ZNF124: variants seen among roughly 807,000 people sequenced by gnomAD.
ZNF124 encodes zinc finger protein HZF-16.
A neutral mutation model predicts 26.6 loss-of-function variants in ZNF124; 25 were observed. That is an observed-to-expected ratio of 0.94 (90% CI 0.68 to 1.31). The LOEUF is 1.31. ZNF124 is among the 40% of genes most tolerant of loss of function. The pLI is 0.00. For missense variants in ZNF124, 444 were observed against 422.2 expected (o/e 1.05, Z -0.45); for synonymous variants, 129 against 133.3 (o/e 0.97, Z 0.22).
chr1:247,133,519 T>C (rs564793592), intron 3 of ZNF124, among the ~76,000 whole-genome samples: 2 of 152,002 alleles, frequency 1.3e-5, no homozygotes, highest in Admixed American at 1.3e-4. Context: ...ATGAAGGAAA[T>C]ACTGTTAAGG....
intron 1 of ZNF124, 167 bp from the exon 2 acceptor site, chr1:247,159,980 T>A: frequency 5.7e-4 from 53 of 92,578 alleles, no homozygotes; most frequent in Non-Finnish European, 8.3e-4. Context: ...ATAGCAGTTC[T>A]TTTTTTTTTT....
chr1:247,127,590 C>G (rs1672238015), intron 3 of ZNF124, among the ~76,000 whole-genome samples: 1 of 140,762 alleles, frequency 7.1e-6, no homozygotes, highest in Non-Finnish European at 1.6e-5. Flanking sequence ...CAGATTGACC[C>G]TTGACCTGAC....
chr1:247,132,692 C>A (rs1297910416), intron 3 of ZNF124, among the ~76,000 whole-genome samples: 2 of 152,318 alleles, frequency 1.3e-5, no homozygotes, highest in East Asian at 1.9e-4. Context: ...AGTTAAAGAT[C>A]GACCCCTGAC....
intron 3 of ZNF124, among the ~76,000 whole-genome samples, chr1:247,148,934 C>A (rs937821150): frequency 6.6e-6 from 1 of 151,750 alleles, no homozygotes; most frequent in South Asian, 2.1e-4. Context: ...TGTGCCACTG[C>A]ACTCCAGCCT....
intron 3 of ZNF124, among the ~76,000 whole-genome samples, chr1:247,145,651 G>C (rs1227595693): frequency 6.7e-6 from 1 of 148,336 alleles, no homozygotes; most frequent in East Asian, 1.9e-4. Context: ...TTTTTTTGAC[G>C]GAGTTTCACT....
chr1:247,128,782 G>A (rs916967742), intron 3 of ZNF124, among the ~76,000 whole-genome samples: 10 of 150,138 alleles, frequency 6.7e-5, no homozygotes, highest in African/African-American at 1.5e-4. Flanking sequence ...ACCCCGCCCC[G>A]CAGTGAGGCA....
At chr1:247,143,040 T>C (rs958210958) in intron 3 of ZNF124, among the ~76,000 whole-genome samples, 1 of 152,168 alleles carries the variant, frequency 6.6e-6, no homozygotes, top group Non-Finnish European at 1.5e-5. Flanking sequence ...ATGCATTTTA[T>C]CCATAAAGAA....
At position 247,157,406 on chromosome 1, in the gene ZNF124, A is replaced by G. The variant is rs890859139; in HGVS notation, c.219-3T>C. 1.9e-6 allele frequency: 3 copies of G among 1,551,786 alleles called. No individual in the cohort carries two copies. The highest frequency in any genetic ancestry group is 3.9e-5 in the Admixed American group (2 of 51,010). ...TTCCAGAATGAGATATGATGTGCCT[A>G]TGAAGGGATGAATGACGTATGAAGA... On this transcript the variant is annotated splice_polypyrimidine_tract_variant and splice_region_variant and intron_variant, in intron 3 of 3. Coordinates refer to ENST00000543802, the MANE Select transcript of ZNF124 (RefSeq NM_001297568.2).
At chr1:247,146,161 G>A (rs1672773688) in intron 3 of ZNF124, among the ~76,000 whole-genome samples, 1 of 152,210 alleles carries the variant, frequency 6.6e-6, no homozygotes, top group Non-Finnish European at 1.5e-5. Context: ...GTAGCTCAGT[G>A]AACACCATGT....
chr1:247,159,976 GTTCTTT>G (rs1558388932), intron 1 of ZNF124, 163 bp from the exon 2 acceptor site: 18 of 246,166 alleles, frequency 7.3e-5, no homozygotes, highest in East Asian at 1.1e-4. Flanking sequence ...CCACATAGCA[GTTCTTT>G]TTTTTTTTTT....
chr1:247,160,554 ACAACC>A (rs1372184938), intron 1 of ZNF124, among the ~76,000 whole-genome samples: 9 of 152,226 alleles, frequency 5.9e-5, no homozygotes, highest in African/African-American at 2.2e-4. Context: ...AGGCATCCCA[ACAACC>A]TAAGTGATAA....
rs374747353 is a variant in ZNF124 at position 247,163,486 on chromosome 1, T to A, written c.31-3673A>T. Among the ~76,000 whole-genome samples the A allele has an allele frequency of 9.0e-4, 126 of 139,964 alleles. No individual in the cohort carries two copies. In the East Asian group the frequency reaches 0.021, roughly 23 times the overall value. The allele number at this position is 139,964 out of a possible 152,430, so 91.8% of individuals were successfully genotyped here. A position where few individuals can be genotyped will look rare whatever the true frequency, so the allele number is the denominator to read the frequency against. On this transcript the variant is annotated intron_variant, in intron 1 of 3. Transcript: ENST00000543802. The stretch of plus-strand genomic sequence containing the variant: ...TCACAGAAACTAAAAAAAAAAAAAA[T>A]CCCTCAGAGGCTATTATTACAAACA...
In ZNF124 at chr1:247,156,938, G is replaced by T. The variant is rs1162630559; in HGVS notation, c.684C>A (p.His228Gln). Residue 228 changes from histidine to glutamine, a missense_variant, in exon 4 of 4, where the codon CAC (histidine) becomes CAA (glutamine). His to Gln is a conservative substitution (Grantham distance 24, BLOSUM62 0). Transcript: ENST00000543802. ...TGCACACATAAGGTTTCTCTCCAGTGTGAGTTCTTTCATGGTAATGAAGGC... is the reference window on the plus strand; with the variant it reads ...TGCACACATAAGGTTTCTCTCCAGTTTGAGTTCTTTCATGGTAATGAAGGC... ...SNCLHYHERT[H>Q]TGEKPYVCME... 6.2e-7 allele frequency: 1 copy of T among 1,613,456 alleles called. No homozygotes were observed. Among genetic ancestry groups the T allele is most frequent in the South Asian group, 1.1e-5 (1 of 91,042 alleles).
intron 3 of ZNF124, among the ~76,000 whole-genome samples, chr1:247,130,287 T>C (rs1183344695): frequency 1.3e-5 from 2 of 152,190 alleles, no homozygotes; most frequent in African/African-American, 4.8e-5. Context: ...AGAGGGAGTG[T>C]AGTAAGTTTC....
intron 3 of ZNF124, among the ~76,000 whole-genome samples, chr1:247,127,614 T>G (rs544757423): frequency 2.9e-4 from 43 of 146,452 alleles, no homozygotes; most frequent in African/African-American, 1.0e-3. Flanking sequence ...TTGTGTTATC[T>G]ATAGATTCCA....
chr1:247,159,838 A>C (rs761399430), intron 1 of ZNF124, 25 bp from the exon 2 acceptor site: 1 of 1,595,584 alleles, frequency 6.3e-7, no homozygotes, highest in African/African-American at 1.4e-5. Context: ...ATTTTTGTAG[A>C]GGATGGATGA....
At chr1:247,124,792 C>A (rs1672168192) in intron 3 of ZNF124, among the ~76,000 whole-genome samples, 1 of 151,966 alleles carries the variant, frequency 6.6e-6, no homozygotes, top group Admixed American at 6.6e-5. Flanking sequence ...TAGTATGTAT[C>A]AGCATTTCAT....
intron 1 of ZNF124, among the ~76,000 whole-genome samples, chr1:247,166,816 A>G (rs934960374): frequency 6.6e-6 from 1 of 152,246 alleles, no homozygotes; most frequent in Non-Finnish European, 1.5e-5. Flanking sequence ...AATGTTCTTT[A>G]TAACTATTAA....
At chr1:247,124,030 G>A (rs982433576) in intron 3 of ZNF124, among the ~76,000 whole-genome samples, 4 of 149,556 alleles carry the variant, frequency 2.7e-5, no homozygotes, top group Non-Finnish European at 6.0e-5. Flanking sequence ...GGGTTTCACC[G>A]TGTTAGCCAG....
Sources: gnomAD v4.1 joint callset for allele counts (sites outside exome capture counted in the v4.1 genomes callset) on GRCh38, gnomAD v4.1.1 for gene constraint, MANE v1.5 for transcripts, NCBI Gene and HGNC (gene_info 2026-07-23, HGNC 2026-07-21) for gene names.